APBA2: variants seen among roughly 807,000 people sequenced by gnomAD.
APBA2 encodes the protein amyloid-beta A4 precursor protein-binding family A member 2.
APBA2 carries 30 observed loss-of-function variants against 75.0 expected under a neutral mutation model. That is an observed-to-expected ratio of 0.40 (90% confidence interval 0.30 to 0.54). The LOEUF (loss-of-function observed/expected upper bound fraction) is 0.54, where lower values mean the gene tolerates loss of function less well. Among genes scored for constraint, APBA2 ranks in the 20% least tolerant of loss-of-function variants. The pLI, the probability that APBA2 is intolerant of heterozygous loss-of-function variation, is 0.49. For missense variants in APBA2, 801 were observed against 1,016.1 expected (o/e 0.79, Z 2.88); for synonymous variants, 444 against 409.6 (o/e 1.08, Z -1.01).
intron 3 of APBA2, chr15:29,044,325 G>A (rs1402480341): frequency 1.3e-5 from 2 of 152,206 alleles, no homozygotes; most frequent in East Asian, 3.8e-4. Context: ...CAGGAGGCGA[G>A]TGGTGAGCAC....
chr15:28,931,527 A>G (rs2034564125), intron 2 of APBA2, among the ~76,000 whole-genome samples: 1 of 152,174 alleles, frequency 6.6e-6, no homozygotes, highest in Admixed American at 6.5e-5. Flanking sequence ...CCGTGGGCCC[A>G]AACATCCACT....
chr15:28,988,354 C>T lies in APBA2; in HGVS notation c.-94-7399C>T, dbSNP rs183729611. ...TCTCGGCTCACGGCAAGCTCCACCT[C>T]CTGGGTTCAAGCGATTCTCCTACCT... On this transcript the variant is annotated intron_variant, in intron 2 of 14. Coordinates refer to ENST00000683413, the MANE Select transcript of APBA2 (RefSeq NM_001353788.2). Among the ~76,000 whole-genome samples the T allele has an allele frequency of 1.5e-4, 22 of 151,724 alleles. No homozygotes were observed. The East Asian group carries it at 4.1e-3, about 28-fold the overall frequency.
chr15:28,887,913 C>T (rs1199736599), intron 1 of APBA2, among the ~76,000 whole-genome samples: 1 of 152,088 alleles, frequency 6.6e-6, no homozygotes, highest in Admixed American at 6.6e-5. Flanking sequence ...TGTGCCCCTC[C>T]CTACTGCCGG....
chr15:28,988,927 TC>T (rs781009152), intron 2 of APBA2, among the ~76,000 whole-genome samples: 3 of 152,206 alleles, frequency 2.0e-5, no homozygotes, highest in Non-Finnish European at 4.4e-5. Flanking sequence ...CGTATGAGTT[TC>T]CTCTTCTCCT....
intron 12 of APBA2, 78 bp downstream of exon 12, chr15:29,106,897 C>A: frequency 7.3e-7 from 1 of 1,368,376 alleles, no homozygotes; most frequent in Non-Finnish European, 1.0e-6. Context: ...GCAATCCCCA[C>A]TTCACTGCAA....
At chr15:28,964,930 T>C (rs1299005422) in intron 2 of APBA2, among the ~76,000 whole-genome samples, 1 of 152,086 alleles carries the variant, frequency 6.6e-6, no homozygotes, top group Non-Finnish European at 1.5e-5. Context: ...TTCTGTTATC[T>C]TAACTTGACC....
At chr15:28,969,797 C>G (rs1268680051) in intron 2 of APBA2, among the ~76,000 whole-genome samples, 1 of 152,198 alleles carries the variant, frequency 6.6e-6, no homozygotes, top group African/African-American at 2.4e-5. Flanking sequence ...GTGGCAGATT[C>G]GGGTCTGAAT....
chr15:29,030,770 C>T (rs1402615036), intron 3 of APBA2, among the ~76,000 whole-genome samples: 4 of 149,262 alleles, frequency 2.7e-5, no homozygotes, highest in Admixed American at 2.0e-4. Context: ...TGTGTAAAAC[C>T]TCCGCCTTCT....
chr15:29,066,204 C>T (rs1286759895), intron 4 of APBA2, among the ~76,000 whole-genome samples: 1 of 152,050 alleles, frequency 6.6e-6, no homozygotes. Context: ...TGTTCATCTT[C>T]GAGAGAGGGA....
At chr15:29,103,097 G>A (rs1200509032) in intron 10 of APBA2, among the ~76,000 whole-genome samples, 2 of 152,230 alleles carry the variant, frequency 1.3e-5, no homozygotes, top group Admixed American at 6.5e-5. Context: ...GAGGGCCGAG[G>A]ATGTGTGAGA....
intron 2 of APBA2, among the ~76,000 whole-genome samples, chr15:28,942,019 A>G (rs2035261496): frequency 6.6e-6 from 1 of 152,206 alleles, no homozygotes; most frequent in South Asian, 2.1e-4. Context: ...TCAGCCTCCT[A>G]AAGTGCTGGG....
chr15:29,018,672 C>T (rs1397010939), intron 3 of APBA2, among the ~76,000 whole-genome samples: 1 of 152,232 alleles, frequency 6.6e-6, no homozygotes, highest in Non-Finnish European at 1.5e-5. Flanking sequence ...GGTAACTTGG[C>T]TCTTGGGCTC....
chr15:29,114,690 G>C (rs1465811499), intron 14 of APBA2, among the ~76,000 whole-genome samples: 1 of 151,542 alleles, frequency 6.6e-6, no homozygotes, highest in Non-Finnish European at 1.5e-5. Flanking sequence ...GGTAGGTGTG[G>C]GAAATGAGTG....
rs180887499 is a variant in APBA2, at chr15:28,918,879, A to T, written c.-204-2761A>T. On this transcript the variant is annotated intron_variant, in intron 1 of 14. Coordinates refer to ENST00000683413, the MANE Select transcript of APBA2 (RefSeq NM_001353788.2). This position sits in a 1 kb window ranked among gnomAD's most constrained non-coding sequence, Gnocchi z 4.2. ...GGGATTATTATTTTTTTTTTTTTGT[A>T]GACGGAGTCGCGCTCTGTCTCCCAG... Among the ~76,000 whole-genome samples the T allele has an allele frequency of 9.4e-3, 1,400 of 149,420 alleles. 20 individuals are homozygous for T. The highest frequency in any genetic ancestry group is 0.026 in the African/African-American group (1,064 of 40,608).
At chr15:29,106,937 C>A in intron 12 of APBA2, 118 bp downstream of exon 12, 5 of 899,598 alleles carry the variant, frequency 5.6e-6, no homozygotes, top group Non-Finnish European at 8.7e-6. Flanking sequence ...GAAACTGAGG[C>A]CCAGGGAGAC....
intron 6 of APBA2, among the ~76,000 whole-genome samples, chr15:29,090,852 C>CCCA (rs2043529254): frequency 9.2e-5 from 14 of 152,124 alleles, no homozygotes; most frequent in Admixed American, 8.5e-4. Flanking sequence ...GGGAGCCTTC[C>CCCA]CAGCCCCACA....
At chr15:28,944,769 G>T (rs535449057) in intron 2 of APBA2, among the ~76,000 whole-genome samples, 2 of 152,344 alleles carry the variant, frequency 1.3e-5, no homozygotes, top group African/African-American at 4.8e-5. Context: ...CACTGGAAAA[G>T]AACATGAAAT....
chr15:29,103,362 G>T (rs1157052549), intron 10 of APBA2, among the ~76,000 whole-genome samples: 2 of 152,258 alleles, frequency 1.3e-5, no homozygotes, highest in African/African-American at 4.8e-5. Flanking sequence ...CCACTTGCAG[G>T]AGGCCGCTTG....
At chr15:28,975,196 A>C (rs1789261987) in intron 2 of APBA2, among the ~76,000 whole-genome samples, 1 of 151,986 alleles carries the variant, frequency 6.6e-6, no homozygotes, top group South Asian at 2.1e-4. Context: ...CAGTAGACAC[A>C]GAAAGTTTTA....
Sources: allele counts gnomAD v4.1 joint callset (sites outside exome capture counted in the v4.1 genomes callset), GRCh38; gene constraint gnomAD v4.1.1; non-coding constraint Gnocchi (gnomAD v3.1); transcripts MANE v1.5; gene names NCBI Gene and HGNC (gene_info 2026-07-23, HGNC 2026-07-21).